The following HCN1 variants were observed in gnomAD, a reference collection of about 807,000 sequenced individuals.
HCN1 encodes potassium/sodium hyperpolarization-activated cyclic nucleotide-gated channel 1.
In HCN1, 13 loss-of-function variants were observed where a neutral mutation model predicts 78.9. That is an observed-to-expected ratio of 0.16 (90% CI 0.11 to 0.26). The LOEUF is 0.26. Ranked by LOEUF, HCN1 falls within the 10% of genes least tolerant of loss-of-function variation. The pLI is 1.00. For synonymous variants in HCN1, 552 were observed against 455.5 expected (o/e 1.21, Z -2.70); for missense variants, 810 against 1,154.3 (o/e 0.70, Z 4.32).
At chr5:45,310,330 C>A (rs935317161) in intron 5 of HCN1, among the ~76,000 whole-genome samples, 16 of 151,936 alleles carry the variant, frequency 1.1e-4, no homozygotes, top group Admixed American at 1.0e-3. Flanking sequence ...AAAATACAAA[C>A]AACCCCATTA....
chr5:45,685,974 TAC>T (rs1739800747), intron 1 of HCN1, among the ~76,000 whole-genome samples: 1 of 152,136 alleles, frequency 6.6e-6, no homozygotes, highest in Non-Finnish European at 1.5e-5. Context: ...GTTTTAATTT[TAC>T]ACTCATACAA....
chr5:45,530,919 A>G (rs1742830449), intron 2 of HCN1, among the ~76,000 whole-genome samples: 1 of 152,166 alleles, frequency 6.6e-6, no homozygotes, highest in Non-Finnish European at 1.5e-5. Context: ...TATAGCTGGG[A>G]AAAGAAGCAA....
intron 2 of HCN1, among the ~76,000 whole-genome samples, chr5:45,629,937 T>C (rs1745239766): frequency 6.6e-6 from 1 of 152,170 alleles, no homozygotes; most frequent in South Asian, 2.1e-4. Flanking sequence ...TGTAAATTCC[T>C]ATTAAGGTTG....
intron 6 of HCN1, among the ~76,000 whole-genome samples, chr5:45,287,447 A>G (rs1561089433): frequency 6.6e-6 from 1 of 152,036 alleles, no homozygotes; most frequent in Non-Finnish European, 1.5e-5. Flanking sequence ...AATGATAAAG[A>G]TTATATATTC....
At position 45,266,544 on chromosome 5, in the gene HCN1, C is replaced by T. The variant is rs1354247600; in HGVS notation, c.1783+545G>A. On this transcript the variant is annotated intron_variant, in intron 7 of 7. Coordinates refer to ENST00000303230, the MANE Select transcript of HCN1 (RefSeq NM_021072.4). ...AGATTCAAATTGTTTTGGCATCAGT[C>T]GGGAAATCAGTTTGTTTAGCTAGCA... Among the ~76,000 whole-genome samples, 2 of 151,954 alleles carry T rather than the reference C, an allele frequency of 1.3e-5. No individual in the cohort carries two copies. The highest frequency in any genetic ancestry group is 1.9e-4 in the East Asian group (1 of 5,184).
At chr5:45,644,978 A>G in intron 2 of HCN1, 2 of 551,454 alleles carry the variant, frequency 3.6e-6, no homozygotes, top group Non-Finnish European at 6.3e-6. Context: ...AACGATCACT[A>G]TTTTTTTCAG....
intron 2 of HCN1, among the ~76,000 whole-genome samples, chr5:45,616,077 A>G (rs1488914294): frequency 6.6e-6 from 1 of 151,846 alleles, no homozygotes; most frequent in African/African-American, 2.4e-5. Flanking sequence ...TTTCTTGAAA[A>G]AAAAAAAAAA....
chr5:45,325,325 G>C (rs983762893), intron 5 of HCN1, among the ~76,000 whole-genome samples: 2 of 151,690 alleles, frequency 1.3e-5, no homozygotes, highest in African/African-American at 4.8e-5. Flanking sequence ...GTCATAAGCA[G>C]TCAGGTGTGG....
intron 1 of HCN1, among the ~76,000 whole-genome samples, chr5:45,653,116 TAA>T (rs1745707367): frequency 1.3e-5 from 2 of 152,002 alleles, no homozygotes; most frequent in Non-Finnish European, 2.9e-5. Flanking sequence ...CAAGCTAAAT[TAA>T]AAAGACTCTT....
intron 3 of HCN1, among the ~76,000 whole-genome samples, chr5:45,444,073 A>G (rs1327024567): frequency 3.3e-5 from 5 of 152,174 alleles, no homozygotes; most frequent in African/African-American, 4.8e-5. Context: ...GATTAACTGT[A>G]AAAATAATAA....
At chr5:45,496,565 T>G (rs1229769821) in intron 2 of HCN1, among the ~76,000 whole-genome samples, 1 of 152,200 alleles carries the variant, frequency 6.6e-6, no homozygotes, top group African/African-American at 2.4e-5. Context: ...CTTTACCATT[T>G]TTTATTGCGT....
rs375423075 is a variant in HCN1 at position 45,492,296 on chromosome 5, A to ATGTGTG, written c.850-30295_850-30290dup. On this transcript the variant is annotated intron_variant, in intron 2 of 7. Transcript: ENST00000303230. ...TCTCTCTCTCACCAAAACTCTGTGT[A>ATGTGTG]TGTGTGTGTGTGTGTGTGTGTGTGT... Among the ~76,000 whole-genome samples, 618 of 140,948 alleles carry ATGTGTG rather than the reference A, an allele frequency of 4.4e-3. 5 individuals carry two copies. The highest frequency in any genetic ancestry group is 0.012 in the African/African-American group (447 of 37,968). The allele number at this position is 140,948 out of a possible 152,430, so 92.5% of individuals were successfully genotyped here.
At chr5:45,675,204 T>TA (rs1746242988) in intron 1 of HCN1, among the ~76,000 whole-genome samples, 1 of 151,670 alleles carries the variant, frequency 6.6e-6, no homozygotes, top group African/African-American at 2.4e-5. Context: ...AGTCTGATAG[T>TA]AGCTTGGCCC....
At chr5:45,337,562 T>A (rs1200289894) in intron 5 of HCN1, among the ~76,000 whole-genome samples, 2 of 152,160 alleles carry the variant, frequency 1.3e-5, no homozygotes, top group East Asian at 1.9e-4. Context: ...TACTTATTAA[T>A]TTTTTCCACG....
chr5:45,282,616 G>T (rs1401187037), intron 6 of HCN1, among the ~76,000 whole-genome samples: 1 of 152,070 alleles, frequency 6.6e-6, no homozygotes, highest in Non-Finnish European at 1.5e-5. Context: ...CCATAATCTG[G>T]TCCGATTTCA....
intron 3 of HCN1, among the ~76,000 whole-genome samples, chr5:45,418,869 T>G (rs990015858): frequency 6.6e-6 from 1 of 152,170 alleles, no homozygotes; most frequent in Non-Finnish European, 1.5e-5. Flanking sequence ...TTATATATAA[T>G]TCTATATGTC....
At chr5:45,389,744 G>A (rs1469898420) in intron 4 of HCN1, among the ~76,000 whole-genome samples, 1 of 152,046 alleles carries the variant, frequency 6.6e-6, no homozygotes, top group East Asian at 1.9e-4. Flanking sequence ...TACTTAATGG[G>A]CTCAAATTCC....
rs1370081424 is a variant in HCN1 at position 45,376,071 on chromosome 5, TTATAA to T, written c.1230+20416_1230+20420del. 5.7e-4 allele frequency among the ~76,000 whole-genome samples: 64 copies of T among 111,418 alleles called. No homozygotes were observed. In the East Asian group the frequency reaches 0.011, roughly 18 times the overall value. The allele number at this position is 111,418 out of a possible 152,430, so 73.1% of individuals were successfully genotyped here. ...TATATATTATATACAATATAATATG[TTATAA>T]TATATATTATATTATATATAATATA... is the stretch of plus-strand genomic sequence containing the variant. On this transcript the variant is annotated intron_variant, in intron 4 of 7. Transcript: ENST00000303230.
intron 2 of HCN1, among the ~76,000 whole-genome samples, chr5:45,501,523 C>A (rs1417150497): frequency 6.6e-6 from 1 of 152,026 alleles, no homozygotes; most frequent in African/African-American, 2.4e-5. Context: ...CAACCTCTGC[C>A]TCCCATGTTC....
Sources: gnomAD v4.1 joint callset for allele counts (sites outside exome capture counted in the v4.1 genomes callset) on GRCh38, gnomAD v4.1.1 for gene constraint, MANE v1.5 for transcripts, NCBI Gene and HGNC (gene_info 2026-07-23, HGNC 2026-07-21) for gene names.